The following FBXL7 variants were observed in gnomAD, a reference collection of about 807,000 sequenced individuals.
The protein encoded by FBXL7 is F-box/LRR-repeat protein 7.
Under a neutral mutation model 38.3 loss-of-function variants are expected in FBXL7, and 12 were observed. The observed-to-expected ratio is 0.31, with a 90% confidence interval of 0.20 to 0.51. FBXL7 has a LOEUF of 0.51. Ranked by LOEUF, FBXL7 falls within the 20% of genes least tolerant of loss-of-function variation. The pLI is 0.98. For missense variants in FBXL7, 567 were observed against 676.4 expected (o/e 0.84, Z 1.79); for synonymous variants, 297 against 300.9 (o/e 0.99, Z 0.13).
chr5:15,806,018 C>T (rs1737702534), intron 2 of FBXL7, among the ~76,000 whole-genome samples: 1 of 152,256 alleles, frequency 6.6e-6, no homozygotes. Context: ...ACCTCATAAT[C>T]ACAGAATAAA....
chr5:15,665,621 C>T (rs1259590687), intron 2 of FBXL7, among the ~76,000 whole-genome samples: 6 of 152,134 alleles, frequency 3.9e-5, no homozygotes, highest in South Asian at 4.1e-4. Context: ...GAACAGACTA[C>T]GATTTGTTTA....
chr5:15,873,466 G>A (rs1485576107), intron 2 of FBXL7, among the ~76,000 whole-genome samples: 2 of 152,254 alleles, frequency 1.3e-5, no homozygotes, highest in African/African-American at 4.8e-5. Context: ...AAAAATCAAT[G>A]AATCCAGGAG....
intron 2 of FBXL7, among the ~76,000 whole-genome samples, chr5:15,630,286 A>G (rs982645396): frequency 5.3e-5 from 8 of 152,190 alleles, no homozygotes; most frequent in Non-Finnish European, 7.4e-5. Context: ...TTCCTCAGCA[A>G]TTTAATTTTA....
At position 15,937,068 on chromosome 5, in the gene FBXL7, G is replaced by A; in HGVS notation, c.1358G>A (p.Cys453Tyr). The A allele has an allele frequency of 6.2e-7, 1 of 1,614,024 alleles. No homozygotes were observed. The highest frequency in any genetic ancestry group is 8.5e-7 in the Non-Finnish European group (1 of 1,179,902). The change falls in exon 4 of 4, where the codon TGC becomes TAC. Residue 453 changes from cysteine to tyrosine, a missense_variant. Transcript: ENST00000504595. ...GQGLQIVAAN[C>Y]FDLQTLNVQD... ...GGCTTGCAGATCGTGGCCGCCAACT[G>A]CTTTGACCTCCAGACGCTGAATGTC... is the stretch of plus-strand genomic sequence containing the variant.
chr5:15,762,354 A>G (rs1455694269), intron 2 of FBXL7, among the ~76,000 whole-genome samples: 2 of 81,752 alleles, frequency 2.4e-5, no homozygotes, highest in African/African-American at 7.3e-5. Flanking sequence ...CCTTTGCCAG[A>G]TTCTGTTGGT....
intron 2 of FBXL7, among the ~76,000 whole-genome samples, chr5:15,833,358 G>A (rs1201533910): frequency 1.3e-5 from 2 of 152,072 alleles, no homozygotes; most frequent in Non-Finnish European, 2.9e-5. Context: ...TCATTCATGA[G>A]GTCAGAGCCC....
At chr5:15,882,468 GA>G (rs1740496525) in intron 2 of FBXL7, among the ~76,000 whole-genome samples, 1 of 152,106 alleles carries the variant, frequency 6.6e-6, no homozygotes, top group Non-Finnish European at 1.5e-5. Flanking sequence ...CTGGGTAGCT[GA>G]CCTGTCCAAA....
intron 3 of FBXL7, among the ~76,000 whole-genome samples, chr5:15,930,769 A>G (rs533029701): frequency 1.3e-5 from 2 of 152,312 alleles, no homozygotes; most frequent in East Asian, 1.9e-4. Context: ...AATCCCACAT[A>G]TGGGAGAAAG....
chr5:15,801,668 T>C (rs257773), intron 2 of FBXL7, among the ~76,000 whole-genome samples: 69,810 of 134,144 alleles, frequency 0.52, 17,280 homozygotes, highest in East Asian at 0.63. Flanking sequence ...CGCGCGCGCG[T>C]GTGTGTGTGT....
chr5:15,800,564 TATTTC>T (rs1737537044), intron 2 of FBXL7, among the ~76,000 whole-genome samples: 1 of 152,206 alleles, frequency 6.6e-6, no homozygotes, highest in African/African-American at 2.4e-5. Flanking sequence ...TGATGTAAAT[TATTTC>T]ATTTAATCTT....
chr5:15,889,743 G>A (rs1740824176), intron 2 of FBXL7, among the ~76,000 whole-genome samples: 1 of 152,144 alleles, frequency 6.6e-6, no homozygotes, highest in Non-Finnish European at 1.5e-5. Context: ...GTGAGAATAG[G>A]TGCATTTGTA....
chr5:15,730,118 T>C (rs965914400), intron 2 of FBXL7, among the ~76,000 whole-genome samples: 4 of 152,194 alleles, frequency 2.6e-5, no homozygotes, highest in Non-Finnish European at 4.4e-5. Flanking sequence ...CCCATATTAA[T>C]AGAATTCTCT....
chr5:15,677,308 A>G (rs1233846021), intron 2 of FBXL7, among the ~76,000 whole-genome samples: 1 of 152,096 alleles, frequency 6.6e-6, no homozygotes, highest in Non-Finnish European at 1.5e-5. Flanking sequence ...TGTCTCTACT[A>G]AAACAAAAAT....
At chr5:15,803,142 C>T (rs1394524516) in intron 2 of FBXL7, among the ~76,000 whole-genome samples, 1 of 152,146 alleles carries the variant, frequency 6.6e-6, no homozygotes, top group African/African-American at 2.4e-5. Flanking sequence ...CTATGGACCA[C>T]CTGATTTGGA....
intron 2 of FBXL7, among the ~76,000 whole-genome samples, chr5:15,755,601 C>T (rs943507010): frequency 2.6e-5 from 4 of 152,108 alleles, no homozygotes; most frequent in African/African-American, 4.8e-5. Context: ...GCAACAAAGC[C>T]GAGGAAGCCT....
chr5:15,544,036 A>T (rs1220975333), intron 1 of FBXL7, among the ~76,000 whole-genome samples: 1 of 152,216 alleles, frequency 6.6e-6, no homozygotes, highest in African/African-American at 2.4e-5. Context: ...GAATTTCTGC[A>T]TAAGCTACCC....
intron 2 of FBXL7, among the ~76,000 whole-genome samples, chr5:15,901,603 C>T (rs1741235937): frequency 6.6e-6 from 1 of 152,128 alleles, no homozygotes; most frequent in South Asian, 2.1e-4. Flanking sequence ...AAGTGACCCA[C>T]AAGACATTAG....
intron 2 of FBXL7, among the ~76,000 whole-genome samples, chr5:15,848,312 A>C (rs1246020134): frequency 2.0e-5 from 3 of 152,122 alleles, no homozygotes; most frequent in Non-Finnish European, 4.4e-5. Flanking sequence ...CTTAAAAAAA[A>C]AACACAATAT....
At chr5:15,677,414 C>G (rs904359165) in intron 2 of FBXL7, among the ~76,000 whole-genome samples, 2 of 151,192 alleles carry the variant, frequency 1.3e-5, no homozygotes, top group African/African-American at 2.4e-5. Context: ...TTGCAGTAAG[C>G]CAAGATCGCA....
Sources: allele counts gnomAD v4.1 joint callset (sites outside exome capture counted in the v4.1 genomes callset), GRCh38; gene constraint gnomAD v4.1.1; transcripts MANE v1.5; gene names NCBI Gene and HGNC (gene_info 2026-07-23, HGNC 2026-07-21).